The following FCHO1 variants were observed in gnomAD, a reference collection of about 807,000 sequenced individuals.
FCHO1 encodes the protein F-BAR domain only protein 1.
In FCHO1, 45 loss-of-function variants were observed where a neutral mutation model predicts 114.4. The observed-to-expected ratio is 0.39, with a 90% CI of 0.31 to 0.50. The LOEUF is 0.50. FCHO1 is among the 20% of genes least tolerant of loss of function. The pLI is 0.77. For synonymous variants in FCHO1, 480 were observed against 488.9 expected (o/e 0.98, Z 0.24); for missense variants, 1,042 against 1,209.6 (o/e 0.86, Z 2.06).
intron 7 of FCHO1, among the ~76,000 whole-genome samples, chr19:17,769,381 C>G (rs191749923): frequency 6.6e-6 from 1 of 151,576 alleles, no homozygotes; most frequent in Admixed American, 6.6e-5. Flanking sequence ...TCGAGACCAT[C>G]CTGACTAACA....
In FCHO1 at chr19:17,788,279, C is replaced by G; in HGVS notation, c.2648-5C>G. On this transcript the variant is annotated splice_polypyrimidine_tract_variant and splice_region_variant and intron_variant, in intron 28 of 28. Transcript: ENST00000596536. ...CCCCTCCCCCTCACAGCTGCACCCC[C>G]ACAGGGATGTACCTGGTGAGCTGCT... 1 of 1,602,832 alleles carries G rather than the reference C, an allele frequency of 6.2e-7. No homozygotes were observed. The highest frequency in any genetic ancestry group is 8.5e-7 in the Non-Finnish European group (1 of 1,171,640).
chr19:17,788,419 C>G lies in FCHO1; in HGVS notation c.*113C>G. The G allele has an allele frequency of 1.3e-6, 1 of 788,340 alleles. No individual in the cohort carries two copies. Among genetic ancestry groups the G allele is most frequent in the East Asian group, 2.6e-5 (1 of 38,618 alleles). 48.8% of individuals were successfully genotyped at this position (788,340 alleles called of 1,614,324 possible). A position where few individuals can be genotyped will look rare whatever the true frequency, so the allele number is the denominator to read the frequency against. On this transcript the variant is annotated 3_prime_UTR_variant, in exon 29 of 29. Transcript: ENST00000596536. The stretch of plus-strand genomic sequence containing the variant: ...CACCCCAGCCTCCCTGAGGCCCATA[C>G]TCCACGGAGAGGAGCCCCATGCCCA...
In FCHO1 at chr19:17,772,481, C is replaced by T. The variant is rs914599625; in HGVS notation, c.619C>T (p.His207Tyr). ...GCGCTTCCAAGCCATGGAGGAGACA[C>T]ACCTGAGGCACATGAAGGCACTGCT... ...ALRFQAMEETHLRHMKALLGS... is the reference protein window; with the variant it reads ...ALRFQAMEETYLRHMKALLGS... The change falls in exon 10 of 29, where the codon CAC (histidine) becomes TAC (tyrosine). Residue 207 changes from histidine (H) to tyrosine (Y), a missense_variant. His to Tyr is a moderately conservative substitution (Grantham distance 83, BLOSUM62 2). This residue lies in a region of FCHO1 where 450 missense variants were observed against 564.1 expected (regional missense o/e 0.80). Coordinates refer to ENST00000596536, the MANE Select transcript of FCHO1 (RefSeq NM_015122.3). 3.1e-6 allele frequency: 5 copies of T among 1,614,094 alleles called. No individual in the cohort carries two copies. The highest frequency in any genetic ancestry group is 3.4e-6 in the Non-Finnish European group (4 of 1,180,006).
upstream of FCHO1, among the ~76,000 whole-genome samples, chr19:17,748,527 T>C (rs1035246105): frequency 1.3e-5 from 2 of 148,462 alleles, no homozygotes; most frequent in South Asian, 4.4e-4. Flanking sequence ...GTCCCTCTTT[T>C]ACTGAGGGGC....
chr19:17,753,132 A>C (rs1231659140), intron 1 of FCHO1, among the ~76,000 whole-genome samples: 1 of 151,994 alleles, frequency 6.6e-6, no homozygotes. Context: ...TTCCCATGCC[A>C]GTCAGCACAG....
chr19:17,768,931 T>G (rs1157532552), intron 7 of FCHO1, among the ~76,000 whole-genome samples: 1 of 150,872 alleles, frequency 6.6e-6, no homozygotes, highest in Non-Finnish European at 1.5e-5. Context: ...TGAGAATTGC[T>G]TGAGCCTAAG....
At position 17,775,807 on chromosome 19, in the gene FCHO1, CG is replaced by C. The variant is rs141975198; in HGVS notation, c.1004-168del. Among the ~76,000 whole-genome samples the C allele has an allele frequency of 0.014, 1,962 of 143,270 alleles. 41 individuals are homozygous for C. The highest frequency in any genetic ancestry group is 0.048 in the African/African-American group (1,821 of 38,300). The allele number at this position is 143,270 out of a possible 152,430, so 94.0% of individuals were successfully genotyped here. On this transcript the variant is annotated intron_variant, in intron 15 of 28. Transcript: ENST00000596536. This position sits in a 1 kb window ranked among gnomAD's most constrained non-coding sequence, Gnocchi z 5.1. The stretch of plus-strand genomic sequence containing the variant: ...TGGGCATGCTTGTGCAAAGGCTTCT[CG>C]GGGGGGGTGGGAGTGCTGGTGGGAC...
At chr19:17,780,497 TG>T (rs1252241296) in intron 20 of FCHO1, among the ~76,000 whole-genome samples, 1 of 152,092 alleles carries the variant, frequency 6.6e-6, no homozygotes, top group East Asian at 1.9e-4. Flanking sequence ...CTGCAAATTC[TG>T]CCCCCCCAGG....
At chr19:17,766,049 C>T (rs1477471520) in intron 6 of FCHO1, among the ~76,000 whole-genome samples, 20 of 151,236 alleles carry the variant, frequency 1.3e-4, no homozygotes, top group African/African-American at 4.4e-4. Flanking sequence ...CCACCACGCC[C>T]GGCTAATTTT....
intron 26 of FCHO1, among the ~76,000 whole-genome samples, chr19:17,786,242 A>G (rs764132546): frequency 4.6e-5 from 7 of 152,134 alleles, no homozygotes; most frequent in Non-Finnish European, 1.0e-4. Flanking sequence ...CTGAGGGAGG[A>G]GAATCGCTTG....
At chr19:17,788,250 C>T (rs770581401) in intron 28 of FCHO1, 34 bp from the exon 29 acceptor site, 1 of 1,329,022 alleles carries the variant, frequency 7.5e-7, no homozygotes. Context: ...ACCCCTCCTC[C>T]CCACCCCTCC....
intron 5 of FCHO1, among the ~76,000 whole-genome samples, chr19:17,763,666 T>G (rs1244856327): frequency 2.1e-5 from 3 of 144,910 alleles, no homozygotes; most frequent in Admixed American, 7.3e-5. Flanking sequence ...CAAGCGATCC[T>G]CCCACCTCAG....
At position 17,776,128 on chromosome 19, in the gene FCHO1, C is replaced by A. The variant is rs1469806141; in HGVS notation, c.1149C>A (p.Thr383=). Reference sequence around the variant, plus strand: ...CAGCAGCGGCACAGCTCAGGGCCACCGCGGGCAGCCTCATCCTTCCTCCTG... The same window carrying A: ...CAGCAGCGGCACAGCTCAGGGCCACAGCGGGCAGCCTCATCCTTCCTCCTG... ...PEAAAAQLRA[T]AGSLILPPGP... Residue 383 remains threonine (T), a synonymous_variant, in exon 16 of 29, where the codon ACC becomes ACA. Coordinates refer to ENST00000596536, the MANE Select transcript of FCHO1 (RefSeq NM_015122.3). The surrounding 1 kb of genome is among the most constrained non-coding windows in gnomAD (Gnocchi z 4.4). 1 of 1,613,328 alleles carries A rather than the reference C, an allele frequency of 6.2e-7. No individual in the cohort carries two copies. The highest frequency in any genetic ancestry group is 2.2e-5 in the East Asian group (1 of 44,862).
At chr19:17,764,852 G>A (rs1416052860) in intron 6 of FCHO1, among the ~76,000 whole-genome samples, 1 of 151,964 alleles carries the variant, frequency 6.6e-6, no homozygotes, top group Admixed American at 6.6e-5. Context: ...GATCACCGGA[G>A]GTCAGGAGTT....
In FCHO1 at chr19:17,770,980, G is replaced by A. The variant is rs2091330699; in HGVS notation, c.594+84G>A. 5 of 1,234,082 alleles carry A rather than the reference G, an allele frequency of 4.1e-6. No homozygotes were observed. The Admixed American group carries it at 9.4e-5, about 23-fold the overall frequency. 76.4% of individuals were successfully genotyped at this position (1,234,082 alleles called of 1,614,324 possible). A position where few individuals can be genotyped will look rare whatever the true frequency, so the allele number is the denominator to read the frequency against. Reference sequence around the variant, plus strand: ...GGACTGCAGAAATCCCAGGCAGGGTGTGGTGGCTCACACCTGTAATCCCAG... The same window carrying A: ...GGACTGCAGAAATCCCAGGCAGGGTATGGTGGCTCACACCTGTAATCCCAG... On this transcript the variant is annotated intron_variant, in intron 9 of 28. Coordinates refer to ENST00000596536, the MANE Select transcript of FCHO1 (RefSeq NM_015122.3).
chr19:17,780,500 C>A (rs557145433), intron 20 of FCHO1, among the ~76,000 whole-genome samples: 2 of 152,012 alleles, frequency 1.3e-5, no homozygotes, highest in African/African-American at 4.8e-5. Flanking sequence ...CAAATTCTGC[C>A]CCCCCAGGGG....
intron 1 of FCHO1, chr19:17,754,111 C>G (rs142155110): frequency 6.6e-6 from 1 of 152,326 alleles, no homozygotes; most frequent in Non-Finnish European, 1.5e-5. Flanking sequence ...ACTGTTCCTA[C>G]GAGGCTCCCA....
chr19:17,786,884 C>G (rs2093946086), intron 27 of FCHO1, among the ~76,000 whole-genome samples: 1 of 151,914 alleles, frequency 6.6e-6, no homozygotes. Flanking sequence ...TACCACTGCA[C>G]TCTAGCCTGG....
rs265553 is a variant in FCHO1, at chr19:17,787,908, G to A, written c.2647+62G>A. ...CCGAGATCTTACAGGGGCAAGCCCCGGGGTGTGGGGAGGGATTGGGGTGTG... is the reference window on the plus strand; with the variant it reads ...CCGAGATCTTACAGGGGCAAGCCCCAGGGTGTGGGGAGGGATTGGGGTGTG... On this transcript the variant is annotated intron_variant, in intron 28 of 28. Coordinates refer to ENST00000596536, the MANE Select transcript of FCHO1 (RefSeq NM_015122.3). 0.23 allele frequency: 360,280 copies of A among 1,549,862 alleles called. 44,971 individuals are homozygous for A. The highest frequency in any genetic ancestry group is 0.26 in the Non-Finnish European group (295,525 of 1,144,114).
Sources: gnomAD v4.1 joint callset for allele counts (sites outside exome capture counted in the v4.1 genomes callset) on GRCh38, gnomAD v4.1.1 for gene constraint, gnomAD v4.1.1 regional missense constraint, Gnocchi (gnomAD v3.1) non-coding constraint, MANE v1.5 for transcripts, NCBI Gene and HGNC (gene_info 2026-07-23, HGNC 2026-07-21) for gene names.